ADGRA3: variants seen among roughly 807,000 people sequenced by gnomAD.
ADGRA3 encodes the protein G-protein coupled receptor 125.
ADGRA3 carries 56 observed loss-of-function variants against 119.8 expected under a neutral mutation model. The observed-to-expected ratio is 0.47, with a 90% confidence interval of 0.38 to 0.58. ADGRA3 has a LOEUF of 0.58. Ranked by LOEUF, ADGRA3 falls within the 20% of genes least tolerant of loss-of-function variation. The probability of loss-of-function intolerance (pLI) is 0.00; values close to 1 mark genes in which losing one functional copy is unlikely to be tolerated. For missense variants in ADGRA3, 1,516 were observed against 1,649.0 expected (o/e 0.92, Z 1.40); for synonymous variants, 607 against 623.8 (o/e 0.97, Z 0.40).
chr4:22,471,620 G>C (rs923891586), intron 2 of ADGRA3, among the ~76,000 whole-genome samples: 1 of 152,128 alleles, frequency 6.6e-6, no homozygotes. Flanking sequence ...TGATGTGTGT[G>C]TACTTTGGAT....
In ADGRA3 at chr4:22,387,410, T is replaced by C. The variant is rs1169156188; in HGVS notation, c.*295A>G. ...ACAAACACCTATTTATTATATTAAA[T>C]ACAAGCCTGAAATATTAAGTACAAA... On this transcript the variant is annotated 3_prime_UTR_variant, in exon 19 of 19. Transcript: ENST00000334304. 1 of 287,204 alleles carries C rather than the reference T, an allele frequency of 3.5e-6. No homozygotes were observed. The highest frequency in any genetic ancestry group is 6.4e-6 in the Non-Finnish European group (1 of 155,112). 17.8% of individuals were successfully genotyped at this position (287,204 alleles called of 1,614,324 possible).
At chr4:22,481,181 AAG>A (rs1376525901) in intron 1 of ADGRA3, among the ~76,000 whole-genome samples, 2 of 152,222 alleles carry the variant, frequency 1.3e-5, no homozygotes, top group African/African-American at 4.8e-5. Flanking sequence ...GTACAAGAAA[AAG>A]AGATAAGAAA....
intron 1 of ADGRA3, among the ~76,000 whole-genome samples, chr4:22,505,760 T>A (rs908097409): frequency 5.3e-5 from 8 of 151,380 alleles, no homozygotes; most frequent in African/African-American, 1.9e-4. Flanking sequence ...AGCTACAGGG[T>A]CACATCTAAC....
chr4:22,423,277 T>C (rs564616553), intron 11 of ADGRA3, among the ~76,000 whole-genome samples: 1 of 152,102 alleles, frequency 6.6e-6, no homozygotes, highest in African/African-American at 2.4e-5. Flanking sequence ...TGAGACTCCA[T>C]TTATTATTCC....
intron 1 of ADGRA3, among the ~76,000 whole-genome samples, chr4:22,478,693 C>G (rs2109129719): frequency 6.6e-6 from 1 of 152,238 alleles, no homozygotes; most frequent in Middle Eastern, 3.4e-3. Context: ...GAGAGGAGAG[C>G]ATCCTGAGTT....
At chr4:22,442,914 C>CAT (rs764908091) in intron 6 of ADGRA3, 51 bp from the exon 7 acceptor site, 57 of 1,338,448 alleles carry the variant, frequency 4.3e-5, no homozygotes, top group Non-Finnish European at 5.5e-5. Context: ...TTCCAAACAC[C>CAT]ATAATTAAAA....
Position 22,389,172 on chromosome 4 carries a change from A to G in ADGRA3, c.2639T>C (p.Ile880Thr). 1 of 1,611,484 alleles carries G rather than the reference A, an allele frequency of 6.2e-7. No homozygotes were observed. Among genetic ancestry groups the G allele is most frequent in the Non-Finnish European group, 8.5e-7 (1 of 1,177,836 alleles). ...PPRPMLRFYL[I>T]GGGIPIIVCG... ...AACAATGATGGGGATACCACCACCA[A>G]TCAGGTAAAATCTAGAAGGAGGAAT... The change falls in exon 18 of 19, where the codon ATT becomes ACT. Residue 880 changes from isoleucine (I) to threonine (T), a missense_variant. Ile to Thr is a moderately conservative substitution (Grantham distance 89, BLOSUM62 -1). Transcript: ENST00000334304.
intron 11 of ADGRA3, 86 bp from the exon 12 acceptor site, chr4:22,421,175 T>C (rs1715663717): frequency 1.8e-6 from 2 of 1,081,288 alleles, no homozygotes; most frequent in African/African-American, 1.6e-5. Context: ...CACAAAACAC[T>C]ATGCATTAGC....
chr4:22,511,458 T>C (rs61793422), intron 1 of ADGRA3, among the ~76,000 whole-genome samples: 29 of 152,314 alleles, frequency 1.9e-4, no homozygotes, highest in Non-Finnish European at 3.8e-4. Context: ...AAACAAGTGG[T>C]GTTCATCAAT....
chr4:22,406,239 C>T (rs904258622), intron 14 of ADGRA3, among the ~76,000 whole-genome samples: 2 of 152,078 alleles, frequency 1.3e-5, no homozygotes, highest in African/African-American at 2.4e-5. Flanking sequence ...GGACACTTAA[C>T]GTTGATTGTT....
At chr4:22,430,979 G>A (rs1210489965) in intron 10 of ADGRA3, among the ~76,000 whole-genome samples, 4 of 152,234 alleles carry the variant, frequency 2.6e-5, no homozygotes, top group African/African-American at 4.8e-5. Flanking sequence ...CAGCTTCCAC[G>A]TGGTGTTGAG....
At chr4:22,417,101 C>T (rs895436179) in intron 12 of ADGRA3, among the ~76,000 whole-genome samples, 1 of 152,162 alleles carries the variant, frequency 6.6e-6, no homozygotes, top group African/African-American at 2.4e-5. Flanking sequence ...CAGACAGATG[C>T]TATAATATCT....
chr4:22,466,509 C>A (rs1033010762), intron 2 of ADGRA3, among the ~76,000 whole-genome samples: 4 of 152,112 alleles, frequency 2.6e-5, no homozygotes, highest in Non-Finnish European at 4.4e-5. Flanking sequence ...GGTGGATCAC[C>A]TGAGATCAGG....
chr4:22,418,189 A>G (rs1316073245), intron 12 of ADGRA3, among the ~76,000 whole-genome samples: 2 of 152,226 alleles, frequency 1.3e-5, no homozygotes, highest in Non-Finnish European at 2.9e-5. Context: ...AGAGACAAGT[A>G]TCAGGCAGCT....
chr4:22,420,623 C>T (rs1485075497), intron 12 of ADGRA3: 3 of 539,982 alleles, frequency 5.6e-6, no homozygotes, highest in Non-Finnish European at 9.8e-6. Flanking sequence ...AGTATATTTG[C>T]ATTTATACCA....
In ADGRA3 at chr4:22,421,032, T is replaced by A. The variant is rs199947143; in HGVS notation, c.1663A>T (p.Met555Leu). 2.5e-6 allele frequency: 4 copies of A among 1,614,010 alleles called. No individual in the cohort carries two copies. The highest frequency in any genetic ancestry group is 4.5e-5 in the East Asian group (2 of 44,876). The change falls in exon 12 of 19, where the codon ATG becomes TTG. Residue 555 changes from methionine to leucine, a missense_variant. Physicochemically the swap from Met to Leu is conservative, Grantham distance 15 (BLOSUM62 2). Around this residue, in one of 2 missense-constraint regions of ADGRA3, gnomAD observed 1,088 missense variants for 1,107.1 expected, o/e 0.98. Coordinates refer to ENST00000334304, the MANE Select transcript of ADGRA3 (RefSeq NM_145290.4). ...YVIKSTGFTGMTCTVFQKVAA... is the reference protein window; with the variant it reads ...YVIKSTGFTGLTCTVFQKVAA... ...ACTTTCTGGAACACGGTACAGGTCATCCCCGTGAAGCCAGTAGACTTGATG... is the reference window on the plus strand; with the variant it reads ...ACTTTCTGGAACACGGTACAGGTCAACCCCGTGAAGCCAGTAGACTTGATG...
At chr4:22,419,949 T>A (rs1715584703) in intron 12 of ADGRA3, 1 of 152,726 alleles carries the variant, frequency 6.5e-6, no homozygotes, top group Non-Finnish European at 1.5e-5. Context: ...CTAGTTGAGA[T>A]TTTCTTGGGC....
intron 1 of ADGRA3, among the ~76,000 whole-genome samples, chr4:22,503,234 C>A (rs991360331): frequency 3.3e-5 from 5 of 152,018 alleles, no homozygotes; most frequent in Non-Finnish European, 4.4e-5. Flanking sequence ...TCATTTAAAA[C>A]AAATAAACAA....
intron 12 of ADGRA3, chr4:22,420,622 G>C: frequency 1.9e-6 from 1 of 534,084 alleles, no homozygotes; most frequent in East Asian, 3.0e-5. Flanking sequence ...TAGTATATTT[G>C]CATTTATACC....
Sources: gnomAD v4.1 joint callset for allele counts (sites outside exome capture counted in the v4.1 genomes callset) on GRCh38, gnomAD v4.1.1 for gene constraint, gnomAD v4.1.1 regional missense constraint, MANE v1.5 for transcripts, NCBI Gene and HGNC (gene_info 2026-07-23, HGNC 2026-07-21) for gene names.